WDFY3: variants seen among roughly 807,000 people sequenced by gnomAD.
WDFY3 encodes the protein WD repeat and FYVE domain containing 3, also known as WD repeat and FYVE domain-containing protein 3.
In WDFY3, 66 loss-of-function variants were observed where a neutral mutation model predicts 409.6. The ratio of observed to expected loss-of-function variants is 0.16; its 90% CI spans 0.13 to 0.20. The LOEUF is 0.20. WDFY3 is among the 10% of genes least tolerant of loss of function. WDFY3 has a pLI of 1.00. For synonymous variants in WDFY3, 1,521 were observed against 1,537.1 expected, an observed-to-expected ratio of 0.99 and a Z score of 0.25; for missense variants, 3,031 against 4,298.1, an observed-to-expected ratio of 0.71 and a Z score of 8.24.
chr4:84,817,674 G>C (rs1417271521), intron 12 of WDFY3, 89 bp from the exon 13 acceptor site: 1 of 1,199,606 alleles, frequency 8.3e-7, no homozygotes, highest in Non-Finnish European at 1.2e-6. Flanking sequence ...ATTTTTTGTA[G>C]GTAAAGTAAC....
At chr4:84,889,469 C>T (rs986594588) in intron 3 of WDFY3, among the ~76,000 whole-genome samples, 1 of 151,954 alleles carries the variant, frequency 6.6e-6, no homozygotes, top group African/African-American at 2.4e-5. Context: ...AACTAAGAAA[C>T]AATGTTTAAA....
intron 13 of WDFY3, among the ~76,000 whole-genome samples, chr4:84,814,431 C>T (rs1039554394): frequency 6.6e-6 from 1 of 152,154 alleles, no homozygotes; most frequent in African/African-American, 2.4e-5. Context: ...GTTTTAGTTA[C>T]CTGTGCTCAA....
intron 2 of WDFY3, among the ~76,000 whole-genome samples, chr4:84,903,466 T>G (rs547032756): frequency 6.6e-6 from 1 of 152,186 alleles, no homozygotes; most frequent in East Asian, 1.9e-4. Flanking sequence ...AGTACAGGCC[T>G]GCACCACCAT....
intron 64 of WDFY3, 29 bp downstream of exon 64, chr4:84,682,345 T>C (rs764609336): frequency 1.3e-6 from 2 of 1,588,826 alleles, no homozygotes; most frequent in South Asian, 1.1e-5. Context: ...TGAAAACGAT[T>C]TGAGTCATTT....
At position 84,672,341 on chromosome 4, in the gene WDFY3, T is replaced by C. The variant is rs762421067; in HGVS notation, c.*527A>G. 6.6e-6 allele frequency: 1 copy of C among 152,238 alleles called. No individual in the cohort carries two copies. The highest frequency in any genetic ancestry group is 1.5e-5 in the Non-Finnish European group (1 of 68,050). 9.4% of individuals were successfully genotyped at this position (152,238 alleles called of 1,614,324 possible). A position where few individuals can be genotyped will look rare whatever the true frequency, so the allele number is the denominator to read the frequency against. On this transcript the variant is annotated 3_prime_UTR_variant, in exon 68 of 68. Transcript: ENST00000295888. Reference sequence around the variant, plus strand: ...ATAATTAATTGGTAAGTGAGGGATGTCAGACAAACCATAAGTAGTTCATTG... The same window carrying C: ...ATAATTAATTGGTAAGTGAGGGATGCCAGACAAACCATAAGTAGTTCATTG...
intron 30 of WDFY3, among the ~76,000 whole-genome samples, chr4:84,769,588 T>G (rs994830349): frequency 9.9e-5 from 15 of 152,008 alleles, no homozygotes; most frequent in African/African-American, 1.9e-4. Context: ...CTAATTTTTT[T>G]TGTGTGTATT....
At chr4:84,676,377 A>G (rs1037826631) in intron 67 of WDFY3, among the ~76,000 whole-genome samples, 1 of 152,220 alleles carries the variant, frequency 6.6e-6, no homozygotes, top group East Asian at 1.9e-4. Flanking sequence ...AAGCATGACT[A>G]AGAATTTGGA....
Position 84,696,951 on chromosome 4 carries a change from G to C in WDFY3, c.8597-128C>G, listed in dbSNP as rs578211979. ...GAACGCTAAAATTGTACACCAGAAA[G>C]GACTTCAGAGATTATCAACTCTAGC... On this transcript the variant is annotated intron_variant, in intron 56 of 67. Coordinates refer to ENST00000295888, the MANE Select transcript of WDFY3 (RefSeq NM_014991.6). 8 of 709,978 alleles carry C rather than the reference G, an allele frequency of 1.1e-5. No individual in the cohort carries two copies. In the African/African-American group the frequency reaches 1.4e-4, roughly 13 times the overall value. 44.0% of individuals were successfully genotyped at this position (709,978 alleles called of 1,614,324 possible).
intron 5 of WDFY3, among the ~76,000 whole-genome samples, chr4:84,847,481 A>T (rs1758230507): frequency 6.6e-6 from 1 of 151,722 alleles, no homozygotes; most frequent in Admixed American, 6.6e-5. Context: ...GAAAAACAAG[A>T]AACCGCCGGG....
intron 50 of WDFY3, among the ~76,000 whole-genome samples, chr4:84,713,590 G>A (rs1733314636): frequency 6.6e-6 from 1 of 152,098 alleles, no homozygotes; most frequent in Admixed American, 6.6e-5. Context: ...GTGCTCACGG[G>A]TAATATTACT....
intron 1 of WDFY3, among the ~76,000 whole-genome samples, chr4:84,941,123 T>C (rs1772060818): frequency 6.6e-6 from 1 of 151,856 alleles, no homozygotes; most frequent in South Asian, 2.1e-4. Flanking sequence ...TCCTAGCCAG[T>C]GCAATAAGGC....
intron 60 of WDFY3, 55 bp downstream of exon 60, chr4:84,691,576 A>G: frequency 6.3e-7 from 1 of 1,584,242 alleles, no homozygotes; most frequent in Non-Finnish European, 8.6e-7. Flanking sequence ...GTCATATAGG[A>G]TAGCCAGACC....
intron 25 of WDFY3, among the ~76,000 whole-genome samples, 189 bp from the exon 26 acceptor site, chr4:84,780,487 G>C (rs1026784972): frequency 6.6e-6 from 1 of 152,102 alleles, no homozygotes; most frequent in African/African-American, 2.4e-5. Context: ...GGCTGGGCAC[G>C]GTGGCTCACA....
rs1737608638 is a variant in WDFY3 at position 84,737,256 on chromosome 4, C to G, written c.6685G>C (p.Gly2229Arg). 6.2e-7 allele frequency: 1 copy of G among 1,614,020 alleles called. No individual in the cohort carries two copies. Among genetic ancestry groups the G allele is most frequent in the Non-Finnish European group, 8.5e-7 (1 of 1,180,008 alleles). ...CTTGCTGTAGCTATGTCCACGTGGC[C>G]CCTTTCATTCACAGGTAGAGTTACT... The part of the protein sequence containing the change: ...FKVTLPVNER[G>R]HVDIATARPL... Residue 2229 changes from glycine to arginine, a missense_variant, in exon 41 of 68, where the codon GGC becomes CGC. By Grantham distance (125) the Gly-to-Arg change is moderately radical. This residue lies in a region of WDFY3 where 314 missense variants were observed against 397.4 expected (regional missense o/e 0.79). Coordinates refer to ENST00000295888, the MANE Select transcript of WDFY3 (RefSeq NM_014991.6).
At chr4:84,761,730 A>G (rs1466884037) in intron 32 of WDFY3, among the ~76,000 whole-genome samples, 1 of 152,140 alleles carries the variant, frequency 6.6e-6, no homozygotes, top group East Asian at 1.9e-4. Flanking sequence ...AAGGGCTAAT[A>G]TCCAGAATCT....
intron 59 of WDFY3, 131 bp from the exon 60 acceptor site, chr4:84,691,916 C>T: frequency 1.1e-6 from 1 of 920,322 alleles, no homozygotes. Context: ...AAAATGATCT[C>T]TGAAATAGAG....
intron 3 of WDFY3, among the ~76,000 whole-genome samples, chr4:84,870,722 T>C (rs1449655244): frequency 1.3e-5 from 2 of 152,040 alleles, no homozygotes; most frequent in African/African-American, 4.8e-5. Context: ...CTGGTCTCAC[T>C]TGAGGTCCAG....
At chr4:84,678,122 A>G in intron 66 of WDFY3, 46 bp downstream of exon 66, 3 of 1,501,334 alleles carry the variant, frequency 2.0e-6, no homozygotes, top group Non-Finnish European at 2.8e-6. Context: ...TTGGCTAACC[A>G]AATGACTCAG....
chr4:84,840,524 T>G (rs948195366), intron 6 of WDFY3, among the ~76,000 whole-genome samples: 1 of 152,184 alleles, frequency 6.6e-6, no homozygotes, highest in Admixed American at 6.5e-5. Flanking sequence ...CCTGAGCTAC[T>G]TGCCACCAGC....
Sources: allele counts gnomAD v4.1 joint callset (sites outside exome capture counted in the v4.1 genomes callset), GRCh38; gene constraint gnomAD v4.1.1; regional missense constraint gnomAD v4.1.1; transcripts MANE v1.5; gene names NCBI Gene and HGNC (gene_info 2026-07-23, HGNC 2026-07-21).